Variants in SEC11C observed in about 807,000 individuals in gnomAD.
The protein encoded by SEC11C is SEC11 homolog C, signal peptidase complex subunit.
Under a neutral mutation model 21.9 loss-of-function variants are expected in SEC11C, and 10 were observed. The ratio of observed to expected loss-of-function variants is 0.46; its 90% CI spans 0.28 to 0.77. The LOEUF (loss-of-function observed/expected upper bound fraction) is 0.77, where lower values mean the gene tolerates loss of function less well. Among genes scored for constraint, SEC11C ranks in the 30% least tolerant of loss-of-function variants. The pLI is 0.12. For missense variants in SEC11C, 145 were observed against 244.5 expected, an observed-to-expected ratio of 0.59 and a Z score of 2.71; for synonymous variants, 83 against 85.6, an observed-to-expected ratio of 0.97 and a Z score of 0.17.
At chr18:59,150,671 C>T (rs559867575) in intron 2 of SEC11C, among the ~76,000 whole-genome samples, 2 of 152,234 alleles carry the variant, frequency 1.3e-5, no homozygotes, top group African/African-American at 4.8e-5. Flanking sequence ...TCACATGCAA[C>T]AGCACCACCT....
rs1450831701 is a variant in SEC11C at position 59,152,634 on chromosome 18, T to C, written c.296T>C (p.Val99Ala). Residue 99 changes from valine (V) to alanine (A), a missense_variant, in exon 3 of 6, where the codon GTT becomes GCT. Val to Ala is a moderately conservative substitution (Grantham distance 64, BLOSUM62 0). Coordinates refer to ENST00000587834, the MANE Select transcript of SEC11C (RefSeq NM_033280.4). ...IRAGEIVVFKVEGRDIPIVHR... is the reference protein window; with the variant it reads ...IRAGEIVVFKAEGRDIPIVHR... ...GCTGGTGAAATAGTTGTTTTTAAAG[T>C]TGAAGGACGAGACATTCCAATAGTT... 2 of 1,613,694 alleles carry C rather than the reference T, an allele frequency of 1.2e-6. No individual in the cohort carries two copies. The highest frequency in any genetic ancestry group is 8.5e-7 in the Non-Finnish European group (1 of 1,179,904).
intron 1 of SEC11C, among the ~76,000 whole-genome samples, chr18:59,140,427 G>T (rs1018384280): frequency 6.6e-6 from 1 of 152,252 alleles, no homozygotes; most frequent in Non-Finnish European, 1.5e-5. Flanking sequence ...CTGACTGCCG[G>T]CAGGTGGAAG....
chr18:59,146,668 AG>A (rs1444297991), intron 1 of SEC11C, among the ~76,000 whole-genome samples: 1 of 152,150 alleles, frequency 6.6e-6, no homozygotes, highest in Non-Finnish European at 1.5e-5. Flanking sequence ...GACTGAATAT[AG>A]ATGGTGAAGA....
Position 59,149,786 on chromosome 18 carries a change from CG to C in SEC11C, c.197+165del, listed in dbSNP as rs546857011. 4.0e-4 allele frequency among the ~76,000 whole-genome samples: 61 copies of C among 152,210 alleles called. 1 individual carries two copies. The South Asian group carries it at 9.4e-3, about 23-fold the overall frequency. On this transcript the variant is annotated intron_variant, in intron 2 of 5. Transcript: ENST00000587834. ...ATTGATATCTATTTTGAAAATGTTTCGTTTTTTTTCTGGCTTTTGAAAAATC... is the reference window on the plus strand; with the variant it reads ...ATTGATATCTATTTTGAAAATGTTTCTTTTTTTTCTGGCTTTTGAAAAATC...
At chr18:59,154,822 T>G (rs908345241) in intron 3 of SEC11C, among the ~76,000 whole-genome samples, 8 of 152,298 alleles carry the variant, frequency 5.3e-5, no homozygotes, top group Non-Finnish European at 7.4e-5. Context: ...TCCCAGCACT[T>G]TGGGAGGCCA....
chr18:59,145,839 C>A (rs533539736), intron 1 of SEC11C, among the ~76,000 whole-genome samples: 1 of 152,264 alleles, frequency 6.6e-6, no homozygotes, highest in Admixed American at 6.5e-5. Flanking sequence ...TAAATACTTA[C>A]CAGTGTGTTA....
rs1273382742 is a variant in SEC11C, at chr18:59,158,773, A to G, written c.*88A>G. On this transcript the variant is annotated 3_prime_UTR_variant, in exon 6 of 6. Coordinates refer to ENST00000587834, the MANE Select transcript of SEC11C (RefSeq NM_033280.4). ...ATATTTGAGATGTTCCATTTTCTGT[A>G]TAAAAGGGAACAGTGTGGAGATGTT... The G allele has an allele frequency of 1.8e-6, 2 of 1,122,018 alleles. No individual in the cohort carries two copies. The highest frequency in any genetic ancestry group is 1.8e-5 in the Admixed American group (1 of 57,092). The allele number at this position is 1,122,018 out of a possible 1,614,324, so 69.5% of individuals were successfully genotyped here.
chr18:59,153,972 G>A (rs1444557634), intron 3 of SEC11C, among the ~76,000 whole-genome samples: 1 of 152,166 alleles, frequency 6.6e-6, no homozygotes, highest in Admixed American at 6.5e-5. Flanking sequence ...CTCCCAAAGT[G>A]CTAGGATTAC....
intron 3 of SEC11C, among the ~76,000 whole-genome samples, chr18:59,153,848 A>G (rs1305188593): frequency 6.6e-6 from 1 of 151,986 alleles, no homozygotes; most frequent in Non-Finnish European, 1.5e-5. Context: ...CTGGAATTAC[A>G]GGCATGTGCC....
intron 1 of SEC11C, among the ~76,000 whole-genome samples, chr18:59,144,784 AG>A (rs1308318904): frequency 6.6e-6 from 1 of 151,252 alleles, no homozygotes; most frequent in East Asian, 1.9e-4. Flanking sequence ...AGGGGTTGCA[AG>A]GAGGGTAGAG....
chr18:59,147,535 A>G (rs1012192064), intron 1 of SEC11C: 1 of 152,494 alleles, frequency 6.6e-6, no homozygotes, highest in Middle Eastern at 3.4e-3. Flanking sequence ...TGGAAAACAG[A>G]TGGAAGAATG....
intron 2 of SEC11C, among the ~76,000 whole-genome samples, chr18:59,152,061 C>T (rs1204209103): frequency 1.3e-5 from 2 of 152,070 alleles, no homozygotes; most frequent in Admixed American, 1.3e-4. Context: ...CTCAGTTTGG[C>T]ATCAGGGCGG....
chr18:59,146,747 G>A (rs2069280324), intron 1 of SEC11C, among the ~76,000 whole-genome samples: 1 of 152,128 alleles, frequency 6.6e-6, no homozygotes, highest in Admixed American at 6.5e-5. Context: ...GTGAAAGCTG[G>A]AGGAGGATGT....
intron 1 of SEC11C, chr18:59,147,911 G>A (rs2069296320): frequency 6.6e-6 from 1 of 152,276 alleles, no homozygotes; most frequent in South Asian, 2.1e-4. Context: ...AAAAACAGAA[G>A]TGAGGGGTGA....
intron 1 of SEC11C, among the ~76,000 whole-genome samples, chr18:59,146,315 GAGA>G (rs1465863573): frequency 4.6e-5 from 7 of 152,232 alleles, no homozygotes; most frequent in Non-Finnish European, 7.3e-5. Context: ...AAAGCTTTTG[GAGA>G]AGGTAAGTTT....
chr18:59,140,057 C>A, intron 1 of SEC11C, 22 bp downstream of exon 1: 1 of 1,555,400 alleles, frequency 6.4e-7, no homozygotes, highest in South Asian at 1.2e-5. Flanking sequence ...GGGTGGTGAG[C>A]GCGCCGTGGC....
chr18:59,139,897 C>T lies in SEC11C; in HGVS notation c.-52C>T. 3 of 1,348,662 alleles carry T rather than the reference C, an allele frequency of 2.2e-6. No individual in the cohort carries two copies. Among genetic ancestry groups the T allele is most frequent in the South Asian group, 3.1e-5 (2 of 63,574 alleles). 83.5% of individuals were successfully genotyped at this position (1,348,662 alleles called of 1,614,324 possible). ...GCGGGGGCCGGCAGGTGCTCCGCAG[C>T]CGTCTGTGCCACCCAGAGCCGGCGG... On this transcript the variant is annotated 5_prime_UTR_variant, in exon 1 of 6. Coordinates refer to ENST00000587834, the MANE Select transcript of SEC11C (RefSeq NM_033280.4).
intron 4 of SEC11C, 47 bp from the exon 5 acceptor site, chr18:59,157,561 T>C: frequency 7.9e-7 from 1 of 1,270,696 alleles, no homozygotes; most frequent in Non-Finnish European, 1.2e-6. Context: ...GCCATCATCA[T>C]GTTATAAGCA....
At chr18:59,141,634 GCTT>G (rs1449317548) in intron 1 of SEC11C, among the ~76,000 whole-genome samples, 3 of 151,342 alleles carry the variant, frequency 2.0e-5, no homozygotes, top group African/African-American at 7.3e-5. Flanking sequence ...CAAATCTACT[GCTT>G]CTTGGTACTT....
Sources: allele counts gnomAD v4.1 joint callset (sites outside exome capture counted in the v4.1 genomes callset), GRCh38; gene constraint gnomAD v4.1.1; transcripts MANE v1.5; gene names NCBI Gene and HGNC (gene_info 2026-07-23, HGNC 2026-07-21).